TOP6BL: variants seen among roughly 807,000 people sequenced by gnomAD.
TOP6BL encodes the protein type 2 DNA topoisomerase 6 subunit B-like.
the TOP6BL span, among the ~76,000 whole-genome samples, chr11:66,787,010 T>C: frequency 2.4e-4 from 36 of 152,084 alleles, no homozygotes; most frequent in East Asian, 4.6e-3. Context: ...CTTGGCTCAC[T>C]GCAACCTCCA....
the TOP6BL span, chr11:66,761,526 C>T: frequency 1.1e-6 from 1 of 885,374 alleles, no homozygotes; most frequent in South Asian, 2.3e-5. Context: ...AGGATTTGTT[C>T]ACTGGCCAAA....
the TOP6BL span, among the ~76,000 whole-genome samples, chr11:66,808,661 A>G: frequency 6.6e-6 from 1 of 152,258 alleles, no homozygotes; most frequent in African/African-American, 2.4e-5. Context: ...TAGAATCAAG[A>G]AATATAATAA....
the TOP6BL span, among the ~76,000 whole-genome samples, chr11:66,833,546 T>C: frequency 6.6e-6 from 1 of 152,126 alleles, no homozygotes; most frequent in Admixed American, 6.5e-5. Flanking sequence ...TGTGCTGTTA[T>C]CATAGGACCC....
At chr11:66,843,369 G>C in the TOP6BL span, 219 of 1,442,274 alleles carry the variant, frequency 1.5e-4, no homozygotes, top group Middle Eastern at 5.8e-3. Flanking sequence ...GGCGGGGCGG[G>C]GCGGGGCGTG....
At chr11:66,784,697 T>C in the TOP6BL span, among the ~76,000 whole-genome samples, 1 of 152,222 alleles carries the variant, frequency 6.6e-6, no homozygotes, top group Non-Finnish European at 1.5e-5. Flanking sequence ...CTATCCATGT[T>C]GTTTCATGTA....
chr11:66,748,636 AAAATG>A, the TOP6BL span: 2 of 824,580 alleles, frequency 2.4e-6, no homozygotes, highest in Admixed American at 3.5e-5. Context: ...CCATAATTAT[AAAATG>A]AAATGATTAT....
At chr11:66,800,985 A>G in the TOP6BL span, 1 of 1,596,046 alleles carries the variant, frequency 6.3e-7, no homozygotes, top group Non-Finnish European at 8.6e-7. Context: ...ACAGAGATTG[A>G]TTTTAGAATC....
chr11:66,828,975 GT>G, the TOP6BL span, among the ~76,000 whole-genome samples: 1,416 of 120,374 alleles, frequency 0.012, 33 homozygotes, highest in African/African-American at 0.041. Context: ...TGTGTTTTTT[GT>G]TTTTTTTTTT....
chr11:66,753,831 A>C, the TOP6BL span, among the ~76,000 whole-genome samples: 3 of 152,032 alleles, frequency 2.0e-5, no homozygotes, highest in Admixed American at 2.0e-4. Context: ...CAGCCTCCTC[A>C]GTAGCTGGGA....
chr11:66,784,992 A>G, the TOP6BL span, among the ~76,000 whole-genome samples: 5 of 116,012 alleles, frequency 4.3e-5, no homozygotes, highest in African/African-American at 1.4e-4. Context: ...GTCTCGCTCT[A>G]TCGCCCAGGC....
chr11:66,748,445 G>A, the TOP6BL span: 1 of 1,548,130 alleles, frequency 6.5e-7, no homozygotes, highest in Non-Finnish European at 8.7e-7. Context: ...ATTGCTAGAA[G>A]GGCAGCTAGT....
the TOP6BL span, among the ~76,000 whole-genome samples, chr11:66,784,865 G>A: frequency 1.3e-5 from 2 of 151,016 alleles, no homozygotes; most frequent in South Asian, 2.1e-4. Flanking sequence ...CTCTTTTACT[G>A]TGTCCAATCT....
chr11:66,825,426 G>A, the TOP6BL span, among the ~76,000 whole-genome samples: 11 of 151,718 alleles, frequency 7.3e-5, no homozygotes, highest in Admixed American at 3.9e-4. Flanking sequence ...GGGAGGTGAA[G>A]GTTGTAGTGA....
At chr11:66,819,904 TA>T in the TOP6BL span, among the ~76,000 whole-genome samples, 115,964 of 119,838 alleles carry the variant, frequency 0.97, 56,213 homozygotes, top group South Asian at 0.99. Context: ...ACTCTTGTCT[TA>T]AAAAAAAAAA....
chr11:66,792,050 T>G, the TOP6BL span, among the ~76,000 whole-genome samples: 1 of 152,146 alleles, frequency 6.6e-6, no homozygotes. Context: ...GACCTCATGA[T>G]CCGCCTGCCT....
At chr11:66,838,797 T>C in the TOP6BL span, among the ~76,000 whole-genome samples, 2 of 152,180 alleles carry the variant, frequency 1.3e-5, no homozygotes, top group African/African-American at 4.8e-5. Flanking sequence ...AGTGGCGCCA[T>C]CTCGGCTCAC....
the TOP6BL span, chr11:66,803,849 CATAAGTTAT>C: frequency 1.8e-6 from 1 of 561,928 alleles, no homozygotes; most frequent in Non-Finnish European, 3.0e-6. Context: ...CTGAGTGAGA[CATAAGTTAT>C]TTATTCCAAC....
At chr11:66,751,963 A>T in the TOP6BL span, among the ~76,000 whole-genome samples, 4 of 152,158 alleles carry the variant, frequency 2.6e-5, no homozygotes, top group Admixed American at 6.6e-5. Context: ...ATAATATATC[A>T]GTTTCATCCT....
chr11:66,843,364 G>GGCGGGGCGGGGCGTGGAGCC, the TOP6BL span: 1 of 1,443,876 alleles, frequency 6.9e-7, no homozygotes, highest in Non-Finnish European at 9.0e-7. Flanking sequence ...GCCCGGGCGG[G>GGCGGGGCGGGGCGTGGAGCC]GCGGGGCGGG....
Sources: allele counts gnomAD v4.1 joint callset (sites outside exome capture counted in the v4.1 genomes callset), GRCh38; gene constraint gnomAD v4.1.1; transcripts MANE v1.5; gene names NCBI Gene and HGNC (gene_info 2026-07-23, HGNC 2026-07-21).